The following NEK7 variants were observed in gnomAD, a reference collection of about 807,000 sequenced individuals.
The protein encoded by NEK7 is serine/threonine-protein kinase Nek7.
Under a neutral mutation model 44.6 loss-of-function variants are expected in NEK7, and 18 were observed. The ratio of observed to expected loss-of-function variants is 0.40; its 90% CI spans 0.28 to 0.60. The LOEUF is 0.60. Among genes scored for constraint, NEK7 ranks in the 20% least tolerant of loss-of-function variants. NEK7 has a pLI of 0.38. For synonymous variants in NEK7, 130 were observed against 121.1 expected, an observed-to-expected ratio of 1.07 and a Z score of -0.48; for missense variants, 256 against 366.5, an observed-to-expected ratio of 0.70 and a Z score of 2.46.
intron 1 of NEK7, among the ~76,000 whole-genome samples, chr1:198,205,242 G>A (rs1164364622): frequency 6.6e-6 from 1 of 152,240 alleles, no homozygotes; most frequent in East Asian, 1.9e-4. Context: ...GCATTGCCAA[G>A]TGCGCATCAC....
intron 9 of NEK7, 36 bp downstream of exon 9, chr1:198,297,276 C>A: frequency 1.2e-6 from 2 of 1,606,736 alleles, no homozygotes; most frequent in South Asian, 2.2e-5. Flanking sequence ...CTTCTGTTGT[C>A]CATTTTGCTA....
intron 1 of NEK7, among the ~76,000 whole-genome samples, chr1:198,229,282 A>G (rs1010202331): frequency 1.3e-5 from 2 of 152,150 alleles, no homozygotes; most frequent in Non-Finnish European, 2.9e-5. Context: ...GAGGGCATGG[A>G]AGCTCTGCAA....
At chr1:198,222,699 C>T (rs1033263622) in intron 1 of NEK7, among the ~76,000 whole-genome samples, 1 of 152,144 alleles carries the variant, frequency 6.6e-6, no homozygotes, top group Non-Finnish European at 1.5e-5. Flanking sequence ...CGATGTTTAT[C>T]GAGTGTCCAT....
intron 1 of NEK7, among the ~76,000 whole-genome samples, chr1:198,225,980 A>G (rs1666211276): frequency 6.6e-6 from 1 of 152,160 alleles, no homozygotes; most frequent in African/African-American, 2.4e-5. Flanking sequence ...TTCATTAAAT[A>G]AATATTCCTT....
At chr1:198,197,827 G>A (rs111340279) in intron 1 of NEK7, 27 of 782,502 alleles carry the variant, frequency 3.5e-5, no homozygotes, top group South Asian at 1.1e-4. Context: ...TGCCATGCTC[G>A]TGGTGCTTGT....
chr1:198,265,754 G>A (rs986794817), intron 5 of NEK7, among the ~76,000 whole-genome samples: 1 of 152,090 alleles, frequency 6.6e-6, no homozygotes, highest in African/African-American at 2.4e-5. Flanking sequence ...GTTTAGTGTA[G>A]ATAAAGAGTT....
intron 1 of NEK7, among the ~76,000 whole-genome samples, chr1:198,213,496 C>A (rs946430683): frequency 6.6e-6 from 1 of 152,160 alleles, no homozygotes; most frequent in Non-Finnish European, 1.5e-5. Context: ...CATCTGTGGA[C>A]AGCCTTCCTG....
chr1:198,268,583 AGT>A, intron 5 of NEK7, among the ~76,000 whole-genome samples: 1 of 152,084 alleles, frequency 6.6e-6, no homozygotes, highest in Non-Finnish European at 1.5e-5. Context: ...TTTCTCCATC[AGT>A]CTTTAAGACG....
chr1:198,174,429 G>A (rs1458668849), intron 1 of NEK7, among the ~76,000 whole-genome samples: 2 of 152,044 alleles, frequency 1.3e-5, no homozygotes, highest in Non-Finnish European at 2.9e-5. Context: ...ACGTGGGGAG[G>A]TGGGTAGGAG....
At chr1:198,198,030 TG>T in intron 1 of NEK7, 3 of 1,510,864 alleles carry the variant, frequency 2.0e-6, no homozygotes, top group South Asian at 1.3e-5. Flanking sequence ...GGGGCCCACC[TG>T]GGGGGAAAGC....
chr1:198,230,453 C>T (rs1418860164), intron 1 of NEK7, among the ~76,000 whole-genome samples: 1 of 151,984 alleles, frequency 6.6e-6, no homozygotes, highest in East Asian at 1.9e-4. Flanking sequence ...TCAAGATACA[C>T]AAATTTTTTA....
chr1:198,238,411 T>C (rs1020374201), intron 2 of NEK7, among the ~76,000 whole-genome samples: 1 of 152,272 alleles, frequency 6.6e-6, no homozygotes, highest in Non-Finnish European at 1.5e-5. Context: ...AAAGGACTTA[T>C]ACCTTCCTTA....
At chr1:198,232,775 G>A (rs1666436019) in intron 2 of NEK7, 138 bp downstream of exon 2, 1 of 417,086 alleles carries the variant, frequency 2.4e-6, no homozygotes, top group South Asian at 4.6e-5. Flanking sequence ...GTTTTAATCA[G>A]CATTTTTTTT....
In NEK7 at chr1:198,292,498, T is replaced by C. The variant is rs953950574; in HGVS notation, c.590-447T>C. On this transcript the variant is annotated intron_variant, in intron 7 of 9. Transcript: ENST00000367385. ...CGCTGTGTTCTAAAGGATGTTTCTG[T>C]AAAAGTTAACAAATATGATTTATTT... Among the ~76,000 whole-genome samples, 3 of 152,138 alleles carry C rather than the reference T, an allele frequency of 2.0e-5. No individual in the cohort carries two copies. In the South Asian group the frequency reaches 6.2e-4, roughly 31 times the overall value.
At chr1:198,244,195 G>T (rs1465275827) in intron 2 of NEK7, among the ~76,000 whole-genome samples, 1 of 152,040 alleles carries the variant, frequency 6.6e-6, no homozygotes, top group Non-Finnish European at 1.5e-5. Context: ...CAATAACAAT[G>T]AAAACCTTAT....
intron 9 of NEK7, among the ~76,000 whole-genome samples, chr1:198,299,244 A>G (rs1654804356): frequency 6.6e-6 from 1 of 152,242 alleles, no homozygotes; most frequent in African/African-American, 2.4e-5. Context: ...TGCGGACTGT[A>G]TAACAATGTT....
At chr1:198,159,177 C>T (rs1284018455) in intron 1 of NEK7, among the ~76,000 whole-genome samples, 1 of 152,214 alleles carries the variant, frequency 6.6e-6, no homozygotes, top group East Asian at 1.9e-4. Context: ...CAGCCAGGAC[C>T]TCGCGTTCGG....
rs879768714 is a variant in NEK7 at position 198,252,560 on chromosome 1, ATATATAT to A, written c.58-479_58-473del. Among the ~76,000 whole-genome samples, 1,210 of 60,768 alleles carry A rather than the reference ATATATAT, an allele frequency of 0.02. 101 individuals are homozygous for A. In the East Asian group the frequency reaches 0.3, roughly 15 times the overall value. 39.9% of individuals were successfully genotyped at this position (60,768 alleles called of 152,430 possible). A position where few individuals can be genotyped will look rare whatever the true frequency, so the allele number is the denominator to read the frequency against. ...TATATATATATATATATATATATATATATATATAAAAAGTACATATATACACATATAT... is the reference window on the plus strand; with the variant it reads ...TATATATATATATATATATATATATAAAAAAGTACATATATACACATATAT... On this transcript the variant is annotated intron_variant, in intron 2 of 9. Transcript: ENST00000367385.
At chr1:198,267,348 A>T (rs1653686163) in intron 5 of NEK7, among the ~76,000 whole-genome samples, 1 of 152,170 alleles carries the variant, frequency 6.6e-6, no homozygotes, top group African/African-American at 2.4e-5. Context: ...AAATGCTAAA[A>T]GCAAGTAGAA....
Sources: allele counts gnomAD v4.1 joint callset (sites outside exome capture counted in the v4.1 genomes callset), GRCh38; gene constraint gnomAD v4.1.1; transcripts MANE v1.5; gene names NCBI Gene and HGNC (gene_info 2026-07-23, HGNC 2026-07-21).